DGKD: variants seen among roughly 807,000 people sequenced by gnomAD.
DGKD encodes the protein diacylglycerol kinase delta, also known as DAG kinase delta.
A neutral mutation model predicts 154.4 loss-of-function variants in DGKD; 68 were observed. That is an observed-to-expected ratio of 0.44 (90% CI 0.36 to 0.54). The LOEUF is 0.54. Among genes scored for constraint, DGKD ranks in the 20% least tolerant of loss-of-function variants. DGKD has a pLI of 0.00. For synonymous variants in DGKD, 693 were observed against 638.0 expected, an observed-to-expected ratio of 1.09 and a Z score of -1.30; for missense variants, 1,343 against 1,593.6, an observed-to-expected ratio of 0.84 and a Z score of 2.68.
intron 1 of DGKD, among the ~76,000 whole-genome samples, chr2:233,383,857 A>G (rs1378663262): frequency 6.6e-6 from 1 of 152,212 alleles, no homozygotes; most frequent in Non-Finnish European, 1.5e-5. Flanking sequence ...ACTTACGGGA[A>G]TATCCACTGA....
At chr2:233,463,243 C>T (rs1487817003) in intron 26 of DGKD, among the ~76,000 whole-genome samples, 1 of 152,124 alleles carries the variant, frequency 6.6e-6, no homozygotes, top group African/African-American at 2.4e-5. Flanking sequence ...TCCCAGCCCT[C>T]CACTCCGCAC....
Position 233,440,967 on chromosome 2 carries a change from T to C in DGKD, c.1086-920T>C, listed in dbSNP as rs1057011605. ...GCTGAGAGGAGGTGGGTCTGGCCTCTGGACTGGGTTGGTGGTCGAGCTACC... is the reference window on the plus strand; with the variant it reads ...GCTGAGAGGAGGTGGGTCTGGCCTCCGGACTGGGTTGGTGGTCGAGCTACC... On this transcript the variant is annotated intron_variant, in intron 9 of 29. Coordinates refer to ENST00000264057, the MANE Select transcript of DGKD (RefSeq NM_152879.3). The surrounding 1 kb of genome is among the most constrained non-coding windows in gnomAD (Gnocchi z 4.9). Among the ~76,000 whole-genome samples the C allele has an allele frequency of 1.3e-5, 2 of 152,290 alleles. No homozygotes were observed. Among genetic ancestry groups the C allele is most frequent in the African/African-American group, 4.8e-5 (2 of 41,566 alleles).
rs1320973202 is a variant in DGKD, at chr2:233,409,563, T to TA, written c.348+19089dup. ...GGTATCATTCTCTAGGAAATCATGTTAAAAAAAAATCCCACGTTCCCGTCC... is the reference window on the plus strand; with the variant it reads ...GGTATCATTCTCTAGGAAATCATGTTAAAAAAAAAATCCCACGTTCCCGTCC... On this transcript the variant is annotated intron_variant, in intron 3 of 29. Transcript: ENST00000264057. 1.3e-4 allele frequency among the ~76,000 whole-genome samples: 20 copies of TA among 151,494 alleles called. No homozygotes were observed. The South Asian group carries it at 3.1e-3, about 24-fold the overall frequency.
chr2:233,394,447 T>C (rs1703859622), intron 3 of DGKD, among the ~76,000 whole-genome samples: 1 of 152,086 alleles, frequency 6.6e-6, no homozygotes, highest in African/African-American at 2.4e-5. Context: ...TCTCGCTATG[T>C]TGCTCAGGCT....
chr2:233,424,731 AG>A (rs1416011002), intron 3 of DGKD, among the ~76,000 whole-genome samples: 2 of 152,222 alleles, frequency 1.3e-5, no homozygotes, highest in African/African-American at 4.8e-5. Flanking sequence ...GACTGTGAGC[AG>A]GCCCCTCAGC....
chr2:233,449,180 C>T lies in DGKD; in HGVS notation c.1692C>T (p.Pro564=). 1 of 1,613,732 alleles carries T rather than the reference C, an allele frequency of 6.2e-7. No homozygotes were observed. Among genetic ancestry groups the T allele is most frequent in the Non-Finnish European group, 8.5e-7 (1 of 1,179,916 alleles). The change falls in exon 15 of 30, where the codon CCC becomes CCT. Residue 564 remains proline (P), a synonymous_variant. Coordinates refer to ENST00000264057, the MANE Select transcript of DGKD (RefSeq NM_152879.3). The surrounding 1 kb of genome is among the most constrained non-coding windows in gnomAD (Gnocchi z 5.3). ...AGTCCCAGGCCTCGTCCTCTCTGCC[C>T]AACCCGCCCCCCACCATTGCCGAGG... is the stretch of plus-strand genomic sequence containing the variant. The part of the protein sequence containing the change: ...DDESQASSSL[P]NPPPTIAEEA...
intron 19 of DGKD, among the ~76,000 whole-genome samples, chr2:233,456,075 G>A (rs965015254): frequency 3.3e-5 from 5 of 152,216 alleles, no homozygotes; most frequent in African/African-American, 1.2e-4. Context: ...TGGAACCCTG[G>A]TCAAACCTCT....
intron 1 of DGKD, among the ~76,000 whole-genome samples, chr2:233,366,432 G>T (rs1702032834): frequency 6.6e-6 from 1 of 152,120 alleles, no homozygotes; most frequent in Non-Finnish European, 1.5e-5. Context: ...GGTTTGGTGT[G>T]GGTGTTGGGG....
intron 3 of DGKD, among the ~76,000 whole-genome samples, chr2:233,431,104 A>C (rs1471161597): frequency 6.6e-6 from 1 of 152,252 alleles, no homozygotes; most frequent in African/African-American, 2.4e-5. Context: ...CAAAAAAACT[A>C]TTAAAACTGA....
intron 1 of DGKD, 115 bp from the exon 2 acceptor site, chr2:233,388,142 A>G (rs1703310557): frequency 3.2e-6 from 5 of 1,544,898 alleles, no homozygotes; most frequent in Non-Finnish European, 4.4e-6. Flanking sequence ...AGTGTGAGAA[A>G]TATTTTCTGT....
At chr2:233,403,917 G>A (rs143287100) in intron 3 of DGKD, among the ~76,000 whole-genome samples, 17 of 152,246 alleles carry the variant, frequency 1.1e-4, no homozygotes, top group African/African-American at 4.1e-4. Context: ...TGGGATTACA[G>A]GCGTGAGCCA....
chr2:233,368,528 G>A (rs75132453), intron 1 of DGKD, among the ~76,000 whole-genome samples: 5,018 of 151,974 alleles, frequency 0.033, 263 homozygotes, highest in African/African-American at 0.11. Flanking sequence ...GAAAATAAAA[G>A]GATATTTGCT....
intron 1 of DGKD, among the ~76,000 whole-genome samples, chr2:233,380,683 G>T (rs1300822159): frequency 1.3e-5 from 2 of 152,108 alleles, no homozygotes; most frequent in Non-Finnish European, 2.9e-5. Context: ...TGTGTGTGGG[G>T]GGGTGTTAAC....
At chr2:233,388,479 T>G in intron 2 of DGKD, 112 bp downstream of exon 2, 1 of 1,026,512 alleles carries the variant, frequency 9.7e-7, no homozygotes, top group Non-Finnish European at 1.4e-6. Context: ...TCAGATCTGT[T>G]ATTGCCAGTG....
intron 7 of DGKD, 113 bp downstream of exon 7, chr2:233,436,554 G>A (rs13406462): frequency 0.085 from 120,061 of 1,419,352 alleles, 6,070 homozygotes; most frequent in African/African-American, 0.21. Context: ...AATCCCAGAG[G>A]CCCCTCCGGC....
At position 233,449,958 on chromosome 2, in the gene DGKD, G is replaced by A. The variant is rs985497094; in HGVS notation, c.1889-24G>A. ...CCTTGGCTTTGCACCCGCGTGCTCAGCCGCACACACTCTCCTTGCACAGCT... is the reference window on the plus strand; with the variant it reads ...CCTTGGCTTTGCACCCGCGTGCTCAACCGCACACACTCTCCTTGCACAGCT... On this transcript the variant is annotated intron_variant, in intron 15 of 29. Coordinates refer to ENST00000264057, the MANE Select transcript of DGKD (RefSeq NM_152879.3). This position sits in a 1 kb window ranked among gnomAD's most constrained non-coding sequence, Gnocchi z 5.3. 6.4e-7 allele frequency: 1 copy of A among 1,567,494 alleles called. No individual in the cohort carries two copies. Among genetic ancestry groups the A allele is most frequent in the African/African-American group, 1.4e-5 (1 of 73,730 alleles).
intron 1 of DGKD, among the ~76,000 whole-genome samples, chr2:233,377,483 T>C (rs1702641352): frequency 6.6e-6 from 1 of 152,210 alleles, no homozygotes; most frequent in African/African-American, 2.4e-5. Flanking sequence ...CCACAATCCT[T>C]GTATAGTTAT....
At chr2:233,437,227 C>T (rs1017340229) in intron 7 of DGKD, 150 bp from the exon 8 acceptor site, 14 of 682,772 alleles carry the variant, frequency 2.1e-5, no homozygotes, top group South Asian at 5.4e-5. Context: ...GATAGCAGGC[C>T]GGCCCAGGGC....
intron 3 of DGKD, among the ~76,000 whole-genome samples, chr2:233,397,119 G>A (rs2061418756): frequency 7.1e-6 from 1 of 140,870 alleles, no homozygotes; most frequent in East Asian, 2.2e-4. Context: ...GCTGGCAGAG[G>A]CCAGAGTGAG....
Sources: gnomAD v4.1 joint callset for allele counts (sites outside exome capture counted in the v4.1 genomes callset) on GRCh38, gnomAD v4.1.1 for gene constraint, Gnocchi (gnomAD v3.1) non-coding constraint, MANE v1.5 for transcripts, NCBI Gene and HGNC (gene_info 2026-07-23, HGNC 2026-07-21) for gene names.